ANO1: variants seen among roughly 807,000 people sequenced by gnomAD.
The protein encoded by ANO1 is anoctamin-1.
Under a neutral mutation model 124.0 loss-of-function variants are expected in ANO1, and 59 were observed. That is an observed-to-expected ratio of 0.48 (90% CI 0.39 to 0.59). ANO1 has a LOEUF of 0.59. Among genes scored for constraint, ANO1 ranks in the 20% least tolerant of loss-of-function variants. The pLI is 0.00. For missense variants in ANO1, 1,059 were observed against 1,328.0 expected (o/e 0.80, Z 3.15); for synonymous variants, 529 against 532.0 (o/e 0.99, Z 0.08).
chr11:70,119,936 G>A (rs145925736), intron 8 of ANO1, among the ~76,000 whole-genome samples: 56 of 152,124 alleles, frequency 3.7e-4, no homozygotes, highest in African/African-American at 1.2e-3. Context: ...GAGGGAAGGA[G>A]GGAGGATTAG....
intron 1 of ANO1, among the ~76,000 whole-genome samples, chr11:70,002,477 A>C (rs1229274325): frequency 6.7e-6 from 1 of 149,866 alleles, no homozygotes; most frequent in African/African-American, 2.5e-5. Flanking sequence ...AAAAAAAAAA[A>C]CACCAAAAAA....
rs755455317 is a variant in ANO1, at chr11:70,187,882, A to G, written c.2839A>G (p.Thr947Ala). 23 of 1,603,762 alleles carry G rather than the reference A, an allele frequency of 1.4e-5. No homozygotes were observed. Among genetic ancestry groups the G allele is most frequent in the Non-Finnish European group, 1.9e-5 (22 of 1,175,756 alleles). The change falls in exon 26 of 26, where the codon ACC becomes GCC. Residue 947 changes from threonine to alanine, a missense_variant. Coordinates refer to ENST00000355303, the MANE Select transcript of ANO1 (RefSeq NM_018043.7). ...GCAAGACAAGCAGCAGCTGCTGGAA[A>G]CCTGGATGGAGAAGGAGCGGCAGAA... Reference protein sequence around the residue: ...EEQDKQQLLETWMEKERQKDE... With the variant: ...EEQDKQQLLEAWMEKERQKDE...
intron 24 of ANO1, among the ~76,000 whole-genome samples, chr11:70,184,415 G>A (rs769678248): frequency 2.0e-5 from 3 of 152,160 alleles, no homozygotes; most frequent in Non-Finnish European, 2.9e-5. Flanking sequence ...TCATATCCAC[G>A]AAGAGCCAAG....
intron 1 of ANO1, among the ~76,000 whole-genome samples, chr11:69,995,103 T>TTTTTTTG (rs1565156274): frequency 6.8e-6 from 1 of 147,702 alleles, no homozygotes; most frequent in African/African-American, 2.6e-5. Context: ...GTTTTTTTTT[T>TTTTTTTG]TTTTTTTTTT....
chr11:70,131,274 G>A (rs1166586366), intron 10 of ANO1, among the ~76,000 whole-genome samples: 1 of 152,040 alleles, frequency 6.6e-6, no homozygotes, highest in Non-Finnish European at 1.5e-5. Context: ...CATGCAAGAA[G>A]AAAATGCAGG....
intron 21 of ANO1, among the ~76,000 whole-genome samples, chr11:70,169,526 T>C (rs1188162291): frequency 1.4e-5 from 2 of 145,746 alleles, no homozygotes; most frequent in African/African-American, 5.1e-5. Flanking sequence ...AGTGCCAGAG[T>C]AGGCAGCGCC....
At chr11:69,980,629 C>CA in the ANO1 span, among the ~76,000 whole-genome samples, 1 of 150,224 alleles carries the variant, frequency 6.7e-6, no homozygotes, top group Admixed American at 6.6e-5. Context: ...AAAAAAAAAA[C>CA]AAAAAACTGT....
At chr11:70,163,016 C>T (rs2048117851) in intron 18 of ANO1, among the ~76,000 whole-genome samples, 1 of 152,262 alleles carries the variant, frequency 6.6e-6, no homozygotes, top group African/African-American at 2.4e-5. Flanking sequence ...CTCCTGGGCC[C>T]CTTCCCGCTG....
At chr11:70,104,759 A>T (rs1171313665) in intron 4 of ANO1, among the ~76,000 whole-genome samples, 1 of 152,112 alleles carries the variant, frequency 6.6e-6, no homozygotes, top group Non-Finnish European at 1.5e-5. Context: ...AGCTTGAGTC[A>T]TGGGAACCCA....
intron 20 of ANO1, among the ~76,000 whole-genome samples, chr11:70,166,590 C>T (rs1455370429): frequency 2.0e-5 from 3 of 152,120 alleles, no homozygotes; most frequent in Non-Finnish European, 2.9e-5. Flanking sequence ...AAGAACTTGT[C>T]GGGCCATTTT....
chr11:70,025,976 G>A (rs1397439422), intron 1 of ANO1, among the ~76,000 whole-genome samples: 4 of 148,914 alleles, frequency 2.7e-5, no homozygotes, highest in Admixed American at 6.7e-5. Context: ...TGATGGTGAC[G>A]ATGGTGGTAG....
intron 14 of ANO1, among the ~76,000 whole-genome samples, chr11:70,154,946 T>A (rs1305726836): frequency 6.6e-6 from 1 of 152,120 alleles, no homozygotes; most frequent in Non-Finnish European, 1.5e-5. Context: ...TCTGCGCCCC[T>A]CATTCCCTCC....
chr11:70,136,890 C>G (rs1226979201), intron 11 of ANO1, among the ~76,000 whole-genome samples: 1 of 147,538 alleles, frequency 6.8e-6, no homozygotes, highest in Non-Finnish European at 1.5e-5. Flanking sequence ...GCCGTGGGTC[C>G]GTAGCTTGGT....
chr11:70,165,413 C>G, intron 19 of ANO1, 57 bp from the exon 20 acceptor site: 1 of 1,453,314 alleles, frequency 6.9e-7, no homozygotes, highest in South Asian at 1.2e-5. Context: ...CCCTGCAGGG[C>G]TGGGGTCCCT....
chr11:70,001,675 G>T (rs1856384106), intron 1 of ANO1, among the ~76,000 whole-genome samples: 1 of 152,232 alleles, frequency 6.6e-6, no homozygotes, highest in Non-Finnish European at 1.5e-5. Context: ...GGAAGGTGCT[G>T]CCAGGTGCTG....
the ANO1 span, among the ~76,000 whole-genome samples, chr11:69,980,064 C>T: frequency 6.6e-6 from 1 of 152,128 alleles, no homozygotes; most frequent in Non-Finnish European, 1.5e-5. Context: ...ATATTGGGTT[C>T]TTTAAAAATA....
the ANO1 span, among the ~76,000 whole-genome samples, chr11:69,966,066 A>C: frequency 6.6e-6 from 1 of 151,126 alleles, no homozygotes; most frequent in South Asian, 2.1e-4. Context: ...GAGAATATCC[A>C]AAAAAAAAGG....
chr11:70,076,812 C>T (rs1299677899), upstream of ANO1, among the ~76,000 whole-genome samples: 2 of 152,208 alleles, frequency 1.3e-5, no homozygotes, highest in Non-Finnish European at 2.9e-5. Flanking sequence ...AAGGAAGTCA[C>T]AGACTTGTGC....
intron 9 of ANO1, among the ~76,000 whole-genome samples, 162 bp from the exon 10 acceptor site, chr11:70,125,899 C>G (rs1050560716): frequency 2.0e-5 from 3 of 151,720 alleles, no homozygotes; most frequent in African/African-American, 7.3e-5. Flanking sequence ...CAGAGAGCAC[C>G]CCCAACCTGA....
Sources: gnomAD v4.1 joint callset for allele counts (sites outside exome capture counted in the v4.1 genomes callset) on GRCh38, gnomAD v4.1.1 for gene constraint, MANE v1.5 for transcripts, NCBI Gene and HGNC (gene_info 2026-07-23, HGNC 2026-07-21) for gene names.